The following CFAP61 variants were observed in gnomAD, a reference collection of about 807,000 sequenced individuals.
CFAP61 encodes cilia- and flagella-associated protein 61.
A neutral mutation model predicts 135.6 loss-of-function variants in CFAP61; 107 were observed. The ratio of observed to expected loss-of-function variants is 0.79; its 90% CI spans 0.67 to 0.93. The LOEUF (loss-of-function observed/expected upper bound fraction) is 0.93. Among genes scored for constraint, CFAP61 ranks in the 40% least tolerant of loss-of-function variants. CFAP61 has a pLI of 0.00. For synonymous variants in CFAP61, 575 were observed against 578.5 expected (o/e 0.99, Z 0.09); for missense variants, 1,507 against 1,556.2 (o/e 0.97, Z 0.53).
intron 23 of CFAP61, among the ~76,000 whole-genome samples, chr20:20,290,007 T>C (rs960698655): frequency 2.0e-5 from 3 of 152,212 alleles, no homozygotes; most frequent in African/African-American, 7.2e-5. Flanking sequence ...TTTTGGCAGA[T>C]ACAGGTTAAA....
chr20:20,065,005 A>G (rs912115517), intron 2 of CFAP61, among the ~76,000 whole-genome samples: 2 of 152,238 alleles, frequency 1.3e-5, no homozygotes, highest in African/African-American at 4.8e-5. Flanking sequence ...GGACCAGGAT[A>G]GAGATCCCAG....
intron 21 of CFAP61, among the ~76,000 whole-genome samples, chr20:20,269,299 T>C (rs988049075): frequency 1.3e-5 from 2 of 149,762 alleles, no homozygotes; most frequent in African/African-American, 4.9e-5. Context: ...TAGGTAAATA[T>C]GCATAGACAT....
At position 20,214,941 on chromosome 20, in the gene CFAP61, A is replaced by C. The variant is rs2146924559; in HGVS notation, c.1933-13308A>C. 3 of 152,382 alleles carry C rather than the reference A, an allele frequency of 2.0e-5. No individual in the cohort carries two copies. The Middle Eastern group carries it at 0.01, about 515-fold the overall frequency. The allele number at this position is 152,382 out of a possible 1,614,324, so 9.4% of individuals were successfully genotyped here. On this transcript the variant is annotated intron_variant, in intron 17 of 26. Transcript: ENST00000245957. ...ACAGGGAGCAGACTCATAAAACTAC[A>C]GGGGCTTTCTAAGCAATAGCTCTCA...
intron 2 of CFAP61, 66 bp downstream of exon 2, chr20:20,056,862 A>C: frequency 6.8e-7 from 1 of 1,470,752 alleles, no homozygotes; most frequent in Non-Finnish European, 9.4e-7. Context: ...TCACACCTGT[A>C]ATCTCAGCAC....
At chr20:20,304,019 G>A (rs1601910733) in intron 25 of CFAP61, among the ~76,000 whole-genome samples, 1 of 152,132 alleles carries the variant, frequency 6.6e-6, no homozygotes, top group Admixed American at 6.5e-5. Flanking sequence ...TGTGGTAGCC[G>A]AGGCCTCCCA....
intron 26 of CFAP61, among the ~76,000 whole-genome samples, chr20:20,343,103 C>T (rs1283102379): frequency 3.9e-5 from 6 of 152,150 alleles, no homozygotes; most frequent in Non-Finnish European, 7.4e-5. Context: ...GTGATCCGCC[C>T]GCCTCGGCCT....
At chr20:20,290,816 A>G (rs1326883020) in intron 24 of CFAP61, among the ~76,000 whole-genome samples, 1 of 152,194 alleles carries the variant, frequency 6.6e-6, no homozygotes, top group Admixed American at 6.5e-5. Context: ...GCCACCTTGA[A>G]GTGGATCCTG....
chr20:20,341,657 C>T (rs1387364256), intron 25 of CFAP61, among the ~76,000 whole-genome samples, 174 bp from the exon 26 acceptor site: 13 of 152,176 alleles, frequency 8.5e-5, no homozygotes, highest in Non-Finnish European at 8.8e-5. Context: ...GGCCTTACAG[C>T]AGGAACATCC....
Position 20,248,652 on chromosome 20 carries a change from G to A in CFAP61, c.2159+2437G>A, listed in dbSNP as rs181934096. On this transcript the variant is annotated intron_variant, in intron 19 of 26. Coordinates refer to ENST00000245957, the MANE Select transcript of CFAP61 (RefSeq NM_015585.4). ...GTTAATTGTGATAGTCCTTTTTCTA[G>A]GAGTGTCACAATTAATCTTTTATGA... Among the ~76,000 whole-genome samples the A allele has an allele frequency of 9.9e-5, 15 of 152,258 alleles. No individual in the cohort carries two copies. In the East Asian group the frequency reaches 2.9e-3, roughly 29 times the overall value.
At chr20:20,237,793 A>G (rs1487496427) in intron 18 of CFAP61, among the ~76,000 whole-genome samples, 1 of 152,166 alleles carries the variant, frequency 6.6e-6, no homozygotes, top group Non-Finnish European at 1.5e-5. Flanking sequence ...CAACTACTGC[A>G]TTTGGTTAAT....
intron 18 of CFAP61, among the ~76,000 whole-genome samples, chr20:20,234,622 T>C (rs1360510831): frequency 6.6e-6 from 1 of 152,120 alleles, no homozygotes; most frequent in Non-Finnish European, 1.5e-5. Context: ...TTAGAATCAG[T>C]AGTTTTCGAA....
At chr20:20,192,685 T>C (rs992651574) in intron 15 of CFAP61, among the ~76,000 whole-genome samples, 1 of 152,250 alleles carries the variant, frequency 6.6e-6, no homozygotes, top group African/African-American at 2.4e-5. Context: ...ATTATCCTAA[T>C]CTGATCATAC....
chr20:20,244,160 A>C (rs2050246090), intron 18 of CFAP61, among the ~76,000 whole-genome samples: 3 of 152,088 alleles, frequency 2.0e-5, no homozygotes, highest in African/African-American at 7.2e-5. Flanking sequence ...CATACAGTGC[A>C]AGCTGCTGGT....
intron 8 of CFAP61, among the ~76,000 whole-genome samples, chr20:20,126,713 T>A (rs61050300): frequency 0.099 from 15,052 of 151,810 alleles, 1,659 homozygotes; most frequent in East Asian, 0.6. Context: ...TCTTTTTGTG[T>A]TGAATTTCTC....
intron 9 of CFAP61, among the ~76,000 whole-genome samples, chr20:20,156,492 C>G (rs564240717): frequency 8.5e-5 from 13 of 152,194 alleles, no homozygotes; most frequent in African/African-American, 3.1e-4. Flanking sequence ...AATGCCTTTT[C>G]TCACCACTTC....
chr20:20,237,291 C>A (rs1456684412), intron 18 of CFAP61, among the ~76,000 whole-genome samples: 1 of 152,144 alleles, frequency 6.6e-6, no homozygotes, highest in Non-Finnish European at 1.5e-5. Context: ...GGTTGAGTCA[C>A]ACCCAGACTC....
intron 26 of CFAP61, among the ~76,000 whole-genome samples, chr20:20,345,412 TA>T (rs1375324419): frequency 6.6e-6 from 1 of 152,208 alleles, no homozygotes; most frequent in East Asian, 1.9e-4. Flanking sequence ...TAATTAAAAT[TA>T]ATTTTTTTAA....
intron 26 of CFAP61, among the ~76,000 whole-genome samples, chr20:20,348,689 CAA>C (rs71198052): frequency 4.1e-4 from 22 of 53,440 alleles, no homozygotes; most frequent in African/African-American, 1.2e-3. Context: ...GACTCCGTAT[CAA>C]AAAAAAAAAA....
At chr20:20,340,550 G>A (rs1029536229) in intron 25 of CFAP61, among the ~76,000 whole-genome samples, 2 of 152,092 alleles carry the variant, frequency 1.3e-5, no homozygotes, top group Admixed American at 6.5e-5. Flanking sequence ...AAGGGTCCCC[G>A]ACGGGCAACA....
Sources: allele counts gnomAD v4.1 joint callset (sites outside exome capture counted in the v4.1 genomes callset), GRCh38; gene constraint gnomAD v4.1.1; transcripts MANE v1.5; gene names NCBI Gene and HGNC (gene_info 2026-07-23, HGNC 2026-07-21).